The following XKR6 variants were observed in gnomAD, a reference collection of about 807,000 sequenced individuals.
XKR6 encodes XK-related protein 6.
In XKR6, 22 loss-of-function variants were observed where a neutral mutation model predicts 56.7. That is an observed-to-expected ratio of 0.39 (90% CI 0.28 to 0.55). The LOEUF is 0.55. Ranked by LOEUF, XKR6 falls within the 20% of genes least tolerant of loss-of-function variation. The pLI, the probability that XKR6 is intolerant of heterozygous loss-of-function variation, is 0.66. For synonymous variants in XKR6, 524 were observed against 387.8 expected, an observed-to-expected ratio of 1.35 and a Z score of -4.13; for missense variants, 852 against 889.0, an observed-to-expected ratio of 0.96 and a Z score of 0.53.
chr8:11,101,728 C>G (rs1192940330), intron 1 of XKR6, among the ~76,000 whole-genome samples: 1 of 152,174 alleles, frequency 6.6e-6, no homozygotes, highest in African/African-American at 2.4e-5. Flanking sequence ...AAGTTTGCAG[C>G]CCTCCGTGAT....
At chr8:11,116,194 T>C (rs1055588296) in intron 1 of XKR6, among the ~76,000 whole-genome samples, 1 of 152,206 alleles carries the variant, frequency 6.6e-6, no homozygotes, top group African/African-American at 2.4e-5. Flanking sequence ...TCCTTTCCCA[T>C]GTATGTCGGA....
At chr8:11,181,334 G>C (rs1384013645) in intron 1 of XKR6, among the ~76,000 whole-genome samples, 1 of 152,090 alleles carries the variant, frequency 6.6e-6, no homozygotes, top group African/African-American at 2.4e-5. Context: ...TTTGGTGCTA[G>C]ACAATGTTTT....
chr8:11,127,936 G>T (rs1018836370), intron 1 of XKR6, among the ~76,000 whole-genome samples: 1 of 152,136 alleles, frequency 6.6e-6, no homozygotes, highest in Non-Finnish European at 1.5e-5. Context: ...GTTACCTAAG[G>T]AGGACATGGC....
At chr8:11,050,642 A>G (rs1240413020) in intron 1 of XKR6, among the ~76,000 whole-genome samples, 1 of 151,928 alleles carries the variant, frequency 6.6e-6, no homozygotes, top group Admixed American at 6.6e-5. Context: ...AGAGAAAAGA[A>G]ACTACTGGGC....
At chr8:10,997,472 C>T (rs1385580364) in intron 1 of XKR6, among the ~76,000 whole-genome samples, 5 of 152,192 alleles carry the variant, frequency 3.3e-5, no homozygotes, top group African/African-American at 4.8e-5. Flanking sequence ...CCCCTCAGAG[C>T]ATTCCACAGA....
intron 2 of XKR6, among the ~76,000 whole-genome samples, chr8:10,915,259 T>C (rs1348757627): frequency 1.3e-5 from 2 of 152,250 alleles, no homozygotes; most frequent in African/African-American, 4.8e-5. Context: ...GCTAGGCACA[T>C]AGTAGGTGAT....
At chr8:11,164,390 A>T (rs527294059) in intron 1 of XKR6, among the ~76,000 whole-genome samples, 1 of 152,304 alleles carries the variant, frequency 6.6e-6, no homozygotes, top group African/African-American at 2.4e-5. Flanking sequence ...GGCTGTCATT[A>T]GCCCTTTCTC....
At chr8:10,912,460 TATATATAG>T (rs1404418950) in intron 2 of XKR6, among the ~76,000 whole-genome samples, 16 of 120,546 alleles carry the variant, frequency 1.3e-4, no homozygotes, top group African/African-American at 4.5e-4. Context: ...TATATATATA[TATATATAG>T]AGAGAGAGAG....
rs1396081277 is a variant in XKR6, at chr8:11,028,657, T to C, written c.765-103827A>G. Among the ~76,000 whole-genome samples, 5 of 152,340 alleles carry C rather than the reference T, an allele frequency of 3.3e-5. No homozygotes were observed. In the East Asian group the frequency reaches 7.7e-4, roughly 23 times the overall value. ...CCCAGCCATCCAATCTCACTGGGGTTCCTACAGGTAGCATTTGGCACTTGG... is the reference window on the plus strand; with the variant it reads ...CCCAGCCATCCAATCTCACTGGGGTCCCTACAGGTAGCATTTGGCACTTGG... On this transcript the variant is annotated intron_variant, in intron 1 of 2. Coordinates refer to ENST00000416569, the MANE Select transcript of XKR6 (RefSeq NM_173683.4).
intron 1 of XKR6, among the ~76,000 whole-genome samples, chr8:11,030,647 G>A (rs958247420): frequency 5.3e-5 from 8 of 150,268 alleles, no homozygotes; most frequent in Non-Finnish European, 1.0e-4. Flanking sequence ...TGGGGGTGGC[G>A]TGAGGGGAGG....
chr8:10,903,471 T>G (rs1010469828), intron 2 of XKR6, among the ~76,000 whole-genome samples: 4 of 152,076 alleles, frequency 2.6e-5, no homozygotes, highest in African/African-American at 9.7e-5. Context: ...ATTTTCTTAT[T>G]GAGAAGGGCC....
At chr8:10,933,717 G>A (rs1801135238) in intron 1 of XKR6, among the ~76,000 whole-genome samples, 1 of 149,714 alleles carries the variant, frequency 6.7e-6, no homozygotes, top group Non-Finnish European at 1.5e-5. Flanking sequence ...TAGGTAAGCG[G>A]CGTTATTTCT....
At chr8:10,990,135 A>C (rs907363641) in intron 1 of XKR6, among the ~76,000 whole-genome samples, 2 of 152,208 alleles carry the variant, frequency 1.3e-5, no homozygotes, top group African/African-American at 4.8e-5. Flanking sequence ...ACAAGCAAAC[A>C]AAAACTTTTG....
chr8:11,001,656 C>A, intron 1 of XKR6, among the ~76,000 whole-genome samples: 1 of 152,308 alleles, frequency 6.6e-6, no homozygotes, highest in Middle Eastern at 3.4e-3. Flanking sequence ...GGGTTGTAGC[C>A]GTTGCTGCAC....
chr8:10,926,224 C>A (rs1046193101), intron 1 of XKR6, among the ~76,000 whole-genome samples: 1 of 152,200 alleles, frequency 6.6e-6, no homozygotes, highest in Non-Finnish European at 1.5e-5. Context: ...CACCAGCTGG[C>A]TCCCAGCCAC....
chr8:10,994,701 A>G (rs1798070681), intron 1 of XKR6, among the ~76,000 whole-genome samples: 1 of 152,236 alleles, frequency 6.6e-6, no homozygotes, highest in Admixed American at 6.5e-5. Flanking sequence ...AATCAGCAGA[A>G]CAGCTATGGA....
chr8:11,141,385 C>A (rs77883525), intron 1 of XKR6, among the ~76,000 whole-genome samples: 26 of 152,216 alleles, frequency 1.7e-4, no homozygotes, highest in Non-Finnish European at 3.1e-4. Flanking sequence ...GAGGGTAGAC[C>A]CCCCATGATG....
At chr8:10,973,540 C>T (rs185790850) in intron 1 of XKR6, among the ~76,000 whole-genome samples, 3 of 152,296 alleles carry the variant, frequency 2.0e-5, no homozygotes, top group South Asian at 2.1e-4. Context: ...TCAGGGAAAG[C>T]GTAAGGCTAC....
At chr8:10,902,962 G>T (rs929790501) in intron 2 of XKR6, among the ~76,000 whole-genome samples, 1 of 152,200 alleles carries the variant, frequency 6.6e-6, no homozygotes, top group African/African-American at 2.4e-5. Context: ...TGGGACCGGA[G>T]TTGGTACAGC....
Sources: gnomAD v4.1 joint callset for allele counts (sites outside exome capture counted in the v4.1 genomes callset) on GRCh38, gnomAD v4.1.1 for gene constraint, MANE v1.5 for transcripts, NCBI Gene and HGNC (gene_info 2026-07-23, HGNC 2026-07-21) for gene names.